The following C12orf56 variants were observed in gnomAD, a reference collection of about 807,000 sequenced individuals.
C12orf56 encodes uncharacterized protein C12orf56.
Under a neutral mutation model 69.9 loss-of-function variants are expected in C12orf56, and 71 were observed. That is an observed-to-expected ratio of 1.02 (90% confidence interval 0.84 to 1.24). The LOEUF is 1.24. C12orf56 is among the 50% of genes most tolerant of loss of function. C12orf56 has a pLI of 0.00. For synonymous variants in C12orf56, 276 were observed against 274.1 expected (o/e 1.01, Z -0.07); for missense variants, 732 against 738.5 (o/e 0.99, Z 0.10).
chr12:64,317,887 C>T (rs1009325144), intron 4 of C12orf56, among the ~76,000 whole-genome samples: 16 of 152,244 alleles, frequency 1.1e-4, no homozygotes, highest in Admixed American at 2.6e-4. Context: ...CTTTCAATAG[C>T]ACAGCTAAGC....
chr12:64,370,630 A>G (rs1284644906), intron 1 of C12orf56, among the ~76,000 whole-genome samples: 4 of 152,030 alleles, frequency 2.6e-5, no homozygotes, highest in Non-Finnish European at 5.9e-5. Flanking sequence ...CAGCCTGGGC[A>G]ACAGACTGTG....
At chr12:64,313,611 G>C (rs2038651755) in intron 4 of C12orf56, among the ~76,000 whole-genome samples, 2 of 151,060 alleles carry the variant, frequency 1.3e-5, no homozygotes. Flanking sequence ...AAAGACATAT[G>C]AATTATAAAC....
At position 64,281,068 on chromosome 12, in the gene C12orf56, G is replaced by A. The variant is rs558804995; in HGVS notation, c.1311-3265C>T. 2.6e-3 allele frequency among the ~76,000 whole-genome samples: 394 copies of A among 152,104 alleles called. 2 individuals are homozygous for A. The highest frequency in any genetic ancestry group is 5.2e-3 in the Admixed American group (79 of 15,288). On this transcript the variant is annotated intron_variant, in intron 8 of 12. Transcript: ENST00000543942. Reference sequence around the variant, plus strand: ...GGGGGTGGATCACCTGAGGACAGGAGTTCAAGACCAGCCTGACTAACATGG... The same window carrying A: ...GGGGGTGGATCACCTGAGGACAGGAATTCAAGACCAGCCTGACTAACATGG...
In C12orf56 at chr12:64,390,684, C is replaced by T. The variant is rs1234498549; in HGVS notation, c.-119G>A. ...CGCCGGCCACGCGTCGCCTCCTCTC[C>T]AGGCGCGGGGACCCGGGCCGCAACT... is the stretch of plus-strand genomic sequence containing the variant. On this transcript the variant is annotated 5_prime_UTR_variant, in exon 1 of 13. Coordinates refer to ENST00000543942, the MANE Select transcript of C12orf56 (RefSeq NM_001170633.2). 3 of 1,332,438 alleles carry T rather than the reference C, an allele frequency of 2.3e-6. No individual in the cohort carries two copies. The South Asian group carries it at 5.3e-5, about 24-fold the overall frequency. 82.5% of individuals were successfully genotyped at this position (1,332,438 alleles called of 1,614,324 possible).
rs2038967871 is a variant in C12orf56, at chr12:64,334,416, C to T, written c.416-3384G>A. ...CGGTTCTAGGATCGCCCTTGGAAAC[C>T]AAAATCTGAGTATGCTCAAATGCCT... On this transcript the variant is annotated intron_variant, in intron 2 of 12. Coordinates refer to ENST00000543942, the MANE Select transcript of C12orf56 (RefSeq NM_001170633.2). 3.3e-5 allele frequency among the ~76,000 whole-genome samples: 5 copies of T among 152,230 alleles called. No individual in the cohort carries two copies. In the South Asian group the frequency reaches 1.0e-3, roughly 32 times the overall value.
chr12:64,338,592 T>C, intron 2 of C12orf56: 1 of 1,579,676 alleles, frequency 6.3e-7, no homozygotes, highest in Non-Finnish European at 8.7e-7. Flanking sequence ...TGAATTTTCT[T>C]CTGCTGCTCA....
In C12orf56 at chr12:64,325,874, A is replaced by G. The variant is rs576228673; in HGVS notation, c.488+5086T>C. Among the ~76,000 whole-genome samples, 17 of 152,230 alleles carry G rather than the reference A, an allele frequency of 1.1e-4. No individual in the cohort carries two copies. In the East Asian group the frequency reaches 3.3e-3, roughly 29 times the overall value. On this transcript the variant is annotated intron_variant, in intron 3 of 12. Coordinates refer to ENST00000543942, the MANE Select transcript of C12orf56 (RefSeq NM_001170633.2). ...GTAAATGAATTCCCTAATCTCCCCT[A>G]TTGCTGCCCCAAAGATCTTTTTTAT...
At chr12:64,323,426 C>A (rs1412094204) in intron 3 of C12orf56, among the ~76,000 whole-genome samples, 6 of 152,168 alleles carry the variant, frequency 3.9e-5, no homozygotes. Context: ...CTAAATATAT[C>A]TGTTGAATGA....
At chr12:64,299,909 A>T (rs1189240194) in intron 6 of C12orf56, among the ~76,000 whole-genome samples, 1 of 152,170 alleles carries the variant, frequency 6.6e-6, no homozygotes, top group Admixed American at 6.5e-5. Context: ...AATTAATGTA[A>T]ATTTAATAAA....
At chr12:64,284,593 T>C in intron 8 of C12orf56, 71 bp downstream of exon 8, 1 of 1,114,116 alleles carries the variant, frequency 9.0e-7, no homozygotes, top group East Asian at 2.5e-5. Context: ...TTATGTGCTT[T>C]GGAAGACACT....
chr12:64,352,132 G>T (rs1343240275), intron 2 of C12orf56, among the ~76,000 whole-genome samples: 3 of 147,502 alleles, frequency 2.0e-5, no homozygotes, highest in Non-Finnish European at 4.4e-5. Flanking sequence ...TTTTTTACCA[G>T]TCAGGCTTTT....
chr12:64,351,808 T>TA (rs558567998), intron 2 of C12orf56, among the ~76,000 whole-genome samples: 10 of 150,432 alleles, frequency 6.6e-5, no homozygotes, highest in Non-Finnish European at 1.2e-4. Context: ...AACAGAGGAG[T>TA]AGCCATTCAT....
At chr12:64,322,363 A>T (rs1164545619) in intron 3 of C12orf56, among the ~76,000 whole-genome samples, 1 of 152,106 alleles carries the variant, frequency 6.6e-6, no homozygotes, top group Non-Finnish European at 1.5e-5. Flanking sequence ...CATTCAGTGA[A>T]TTTTTAAAAT....
chr12:64,338,944 C>A (rs760761421), intron 2 of C12orf56: 1 of 504,622 alleles, frequency 2.0e-6, no homozygotes, highest in Non-Finnish European at 3.6e-6. Context: ...GGCATGGACA[C>A]TGAGATGAAT....
chr12:64,327,302 G>C lies in C12orf56; in HGVS notation c.488+3658C>G, dbSNP rs76991815. ...GGACAGCACAGAGAAGGGAGAAAGAGCACAGAATGGGAGAAATGGAAACAA... is the reference window on the plus strand; with the variant it reads ...GGACAGCACAGAGAAGGGAGAAAGACCACAGAATGGGAGAAATGGAAACAA... On this transcript the variant is annotated intron_variant, in intron 3 of 12. Transcript: ENST00000543942. Among the ~76,000 whole-genome samples the C allele has an allele frequency of 4.8e-3, 725 of 152,280 alleles. 9 individuals carry two copies. Among genetic ancestry groups the C allele is most frequent in the African/African-American group, 0.017 (705 of 41,544 alleles).
rs183538979 is a variant in C12orf56, at chr12:64,294,488, A to T, written c.1114-8428T>A. ...TGGTATATACATACAATGGAATATT[A>T]TCCAGCCTTAAAAAAAAGGAAATTG... On this transcript the variant is annotated intron_variant, in intron 6 of 12. Coordinates refer to ENST00000543942, the MANE Select transcript of C12orf56 (RefSeq NM_001170633.2). Among the ~76,000 whole-genome samples the T allele has an allele frequency of 1.5e-3, 223 of 152,364 alleles. 2 individuals carry two copies. Among genetic ancestry groups the T allele is most frequent in the African/African-American group, 5.1e-3 (212 of 41,584 alleles).
At chr12:64,378,679 C>T (rs377376029) in intron 1 of C12orf56, among the ~76,000 whole-genome samples, 2 of 152,140 alleles carry the variant, frequency 1.3e-5, no homozygotes, top group East Asian at 3.9e-4. Flanking sequence ...AAATGATCTG[C>T]CCACCTTGGC....
At position 64,277,951 on chromosome 12, in the gene C12orf56, C is replaced by T. The variant is rs114032363; in HGVS notation, c.1311-148G>A. On this transcript the variant is annotated intron_variant, in intron 8 of 12. Transcript: ENST00000543942. ...GACTGAAGTTTTGGATCCTTGGACA[C>T]GCAAATGAATAACTAGAGATAAAAA... 319 of 464,544 alleles carry T rather than the reference C, an allele frequency of 6.9e-4. 2 individuals are homozygous for T. The highest frequency in any genetic ancestry group is 2.7e-3 in the African/African-American group (136 of 50,062). The allele number at this position is 464,544 out of a possible 1,614,324, so 28.8% of individuals were successfully genotyped here. A position where few individuals can be genotyped will look rare whatever the true frequency, so the allele number is the denominator to read the frequency against.
intron 5 of C12orf56, among the ~76,000 whole-genome samples, chr12:64,311,749 G>A (rs1262651338): frequency 6.6e-6 from 1 of 152,148 alleles, no homozygotes; most frequent in African/African-American, 2.4e-5. Context: ...CATATTTTTT[G>A]TACGCTGTTT....
Sources: allele counts gnomAD v4.1 joint callset (sites outside exome capture counted in the v4.1 genomes callset), GRCh38; gene constraint gnomAD v4.1.1; transcripts MANE v1.5; gene names NCBI Gene and HGNC (gene_info 2026-07-23, HGNC 2026-07-21).